Variants in AGBL4 observed in about 807,000 individuals in gnomAD.
AGBL4 encodes the protein AGBL carboxypeptidase 4, also known as cytosolic carboxypeptidase 6.
In AGBL4, 58 loss-of-function variants were observed where a neutral mutation model predicts 66.4. The ratio of observed to expected loss-of-function variants is 0.87; its 90% CI spans 0.71 to 1.09. The LOEUF (loss-of-function observed/expected upper bound fraction) is 1.09. AGBL4 is among the 50% of genes least tolerant of loss of function. The pLI is 0.00. For missense variants in AGBL4, 579 were observed against 631.0 expected (o/e 0.92, Z 0.88); for synonymous variants, 234 against 222.9 (o/e 1.05, Z -0.44).
intron 3 of AGBL4, among the ~76,000 whole-genome samples, chr1:49,296,980 G>GT (rs1376255696): frequency 1.3e-5 from 2 of 152,166 alleles, no homozygotes; most frequent in Non-Finnish European, 2.9e-5. Flanking sequence ...ATATCTTACT[G>GT]TAAGTATCTT....
At chr1:48,931,209 C>T (rs1655010386) in intron 5 of AGBL4, among the ~76,000 whole-genome samples, 1 of 152,148 alleles carries the variant, frequency 6.6e-6, no homozygotes, top group Admixed American at 6.5e-5. Context: ...TTTTCAAAAA[C>T]AAGTTAAGCA....
At chr1:49,638,613 T>C (rs1160714499) in intron 3 of AGBL4, among the ~76,000 whole-genome samples, 1 of 152,162 alleles carries the variant, frequency 6.6e-6, no homozygotes, top group Non-Finnish European at 1.5e-5. Flanking sequence ...CATGCTGTTC[T>C]CCTGATAGAG....
chr1:49,865,265 C>A (rs1376699336), intron 1 of AGBL4, among the ~76,000 whole-genome samples: 2 of 152,162 alleles, frequency 1.3e-5, no homozygotes, highest in African/African-American at 4.8e-5. Flanking sequence ...AGGCAGAGTT[C>A]TTCATTAAAA....
intron 9 of AGBL4, among the ~76,000 whole-genome samples, chr1:48,627,933 C>T (rs769585425): frequency 2.0e-5 from 3 of 152,198 alleles, no homozygotes; most frequent in Non-Finnish European, 2.9e-5. Flanking sequence ...TCTCATCATT[C>T]TTACCTCGGC....
intron 3 of AGBL4, among the ~76,000 whole-genome samples, chr1:49,332,008 G>A (rs180950769): frequency 1.2e-4 from 19 of 152,334 alleles, no homozygotes; most frequent in Admixed American, 1.2e-3. Context: ...GAGAGTCCAA[G>A]CTGACCAGGG....
At chr1:49,102,561 T>A (rs1187238748) in intron 4 of AGBL4, among the ~76,000 whole-genome samples, 1 of 152,224 alleles carries the variant, frequency 6.6e-6, no homozygotes, top group Non-Finnish European at 1.5e-5. Context: ...TAAGATTTGA[T>A]GTTACAATTT....
At chr1:49,789,039 T>C (rs1644528213) in intron 2 of AGBL4, among the ~76,000 whole-genome samples, 1 of 152,154 alleles carries the variant, frequency 6.6e-6, no homozygotes, top group Non-Finnish European at 1.5e-5. Flanking sequence ...TTATTGAGAG[T>C]TTTGAGCATG....
intron 4 of AGBL4, among the ~76,000 whole-genome samples, chr1:49,111,766 A>C (rs1298007007): frequency 1.3e-5 from 2 of 152,244 alleles, no homozygotes; most frequent in Non-Finnish European, 2.9e-5. Flanking sequence ...CCATATTTGC[A>C]TTCTACTTAC....
the AGBL4 span, among the ~76,000 whole-genome samples, chr1:48,522,589 C>T: frequency 1.1e-4 from 17 of 152,242 alleles, no homozygotes; most frequent in South Asian, 1.2e-3. Context: ...GCCTACTGCA[C>T]GGTGATGTTA....
intron 5 of AGBL4, among the ~76,000 whole-genome samples, chr1:48,897,249 T>G (rs910723229): frequency 1.3e-5 from 2 of 152,224 alleles, no homozygotes; most frequent in Non-Finnish European, 2.9e-5. Context: ...TTTGTCTTTA[T>G]GTACTTGGCT....
intron 3 of AGBL4, among the ~76,000 whole-genome samples, chr1:49,476,418 T>A (rs781062029): frequency 6.6e-6 from 1 of 152,090 alleles, no homozygotes; most frequent in Non-Finnish European, 1.5e-5. Context: ...GTCTATTAGA[T>A]ACAACTGATC....
chr1:49,880,708 G>A (rs1647212156), intron 1 of AGBL4, among the ~76,000 whole-genome samples: 1 of 152,188 alleles, frequency 6.6e-6, no homozygotes, highest in Non-Finnish European at 1.5e-5. Flanking sequence ...CTTCCCGGCT[G>A]CTTTGTTTAC....
intron 1 of AGBL4, among the ~76,000 whole-genome samples, chr1:49,918,385 A>T (rs997776597): frequency 6.6e-6 from 1 of 152,248 alleles, no homozygotes; most frequent in Non-Finnish European, 1.5e-5. Context: ...TAGACGCAAC[A>T]AAAAATGATA....
intron 3 of AGBL4, among the ~76,000 whole-genome samples, chr1:49,512,856 A>C (rs77129359): frequency 6.6e-6 from 1 of 150,982 alleles, no homozygotes; most frequent in Non-Finnish European, 1.5e-5. Flanking sequence ...GAAAGTGACC[A>C]AAAAAAAAGT....
In AGBL4 at chr1:48,929,349, A is replaced by G. The variant is rs140612556; in HGVS notation, c.595-62119T>C. Among the ~76,000 whole-genome samples, 6 of 152,254 alleles carry G rather than the reference A, an allele frequency of 3.9e-5. No homozygotes were observed. The East Asian group carries it at 9.7e-4, about 25-fold the overall frequency. ...CAGCCGCATTTGTATCCTTTCAGTTAAAAAACATGCCACTTTGGCCTTCAC... is the reference window on the plus strand; with the variant it reads ...CAGCCGCATTTGTATCCTTTCAGTTGAAAAACATGCCACTTTGGCCTTCAC... On this transcript the variant is annotated intron_variant, in intron 5 of 13. Transcript: ENST00000371839.
At chr1:49,541,623 TG>T (rs1652034856) in intron 3 of AGBL4, among the ~76,000 whole-genome samples, 1 of 152,140 alleles carries the variant, frequency 6.6e-6, no homozygotes, top group Admixed American at 6.5e-5. Flanking sequence ...CCCCCTGCTG[TG>T]GGCTCCTGTG....
intron 6 of AGBL4, among the ~76,000 whole-genome samples, chr1:48,836,399 T>A (rs12058178): frequency 0.036 from 5,519 of 152,000 alleles, 332 homozygotes; most frequent in African/African-American, 0.13. Flanking sequence ...AATTTTGTGA[T>A]CTTAAAGCTT....
chr1:48,671,479 A>C (rs1479554610), intron 6 of AGBL4, among the ~76,000 whole-genome samples: 1 of 152,220 alleles, frequency 6.6e-6, no homozygotes, highest in Non-Finnish European at 1.5e-5. Context: ...CAGACAGAAG[A>C]AGCATTAAAT....
intron 5 of AGBL4, among the ~76,000 whole-genome samples, chr1:48,999,289 T>G (rs1661228147): frequency 6.6e-6 from 1 of 152,210 alleles, no homozygotes; most frequent in African/African-American, 2.4e-5. Context: ...AAGATGGCTG[T>G]GCTTGGATTT....
Sources: allele counts gnomAD v4.1 joint callset (sites outside exome capture counted in the v4.1 genomes callset), GRCh38; gene constraint gnomAD v4.1.1; transcripts MANE v1.5; gene names NCBI Gene and HGNC (gene_info 2026-07-23, HGNC 2026-07-21).